Variants in SLC25A21 observed in about 807,000 individuals in gnomAD.
SLC25A21 encodes the protein mitochondrial 2-oxodicarboxylate carrier.
Under a neutral mutation model 43.8 loss-of-function variants are expected in SLC25A21, and 47 were observed. The ratio of observed to expected loss-of-function variants is 1.07; its 90% CI spans 0.85 to 1.37. The LOEUF is 1.37. Ranked by LOEUF, SLC25A21 falls within the 40% of genes most tolerant of loss-of-function variation. The pLI, the probability that SLC25A21 is intolerant of heterozygous loss-of-function variation, is 0.00. For missense variants in SLC25A21, 352 were observed against 350.2 expected (o/e 1.00, Z -0.04); for synonymous variants, 131 against 121.3 (o/e 1.08, Z -0.52).
rs867669329 is a variant in SLC25A21 at position 37,116,000 on chromosome 14, A to G, written c.70+56281T>C. ...AATACATTTTAAAGAAATTCACATT[A>G]TATTTATCTATGTAAAACTGAACTT... On this transcript the variant is annotated intron_variant, in intron 1 of 9. Transcript: ENST00000331299. Among the ~76,000 whole-genome samples, 10 of 152,332 alleles carry G rather than the reference A, an allele frequency of 6.6e-5. 1 individual carries two copies. The South Asian group carries it at 1.4e-3, about 22-fold the overall frequency.
chr14:36,793,966 AG>A (rs1485767187), intron 3 of SLC25A21, among the ~76,000 whole-genome samples: 1 of 152,076 alleles, frequency 6.6e-6, no homozygotes, highest in African/African-American at 2.4e-5. Context: ...AAATCAAAGA[AG>A]TTCATAAAAC....
chr14:36,756,253 T>C (rs943232558), intron 3 of SLC25A21, among the ~76,000 whole-genome samples: 2 of 152,152 alleles, frequency 1.3e-5, no homozygotes, highest in South Asian at 2.1e-4. Context: ...TTCTGAGCGA[T>C]TGGAAGCTGG....
chr14:36,709,756 A>C (rs1306217497), intron 7 of SLC25A21, among the ~76,000 whole-genome samples: 1 of 152,178 alleles, frequency 6.6e-6, no homozygotes, highest in East Asian at 1.9e-4. Flanking sequence ...CTGGGCAAAA[A>C]CAGGTACAAC....
intron 2 of SLC25A21, among the ~76,000 whole-genome samples, chr14:36,833,183 T>C (rs1889095029): frequency 6.6e-6 from 1 of 152,178 alleles, no homozygotes; most frequent in African/African-American, 2.4e-5. Context: ...AAATTCTATA[T>C]ATATACACAC....
intron 3 of SLC25A21, among the ~76,000 whole-genome samples, chr14:36,752,369 C>T (rs556456975): frequency 1.3e-5 from 2 of 152,246 alleles, no homozygotes; most frequent in East Asian, 3.9e-4. Context: ...ATAGATTTAC[C>T]ATATGATCCA....
At chr14:36,760,756 C>G (rs918609207) in intron 3 of SLC25A21, among the ~76,000 whole-genome samples, 1 of 152,068 alleles carries the variant, frequency 6.6e-6, no homozygotes, top group African/African-American at 2.4e-5. Flanking sequence ...ATATGGAATG[C>G]CAGCGTGCGT....
chr14:36,778,909 C>T (rs1009759082), intron 3 of SLC25A21, among the ~76,000 whole-genome samples: 7 of 152,042 alleles, frequency 4.6e-5, no homozygotes, highest in Non-Finnish European at 8.8e-5. Flanking sequence ...CCATGCTGTA[C>T]ATTAGATCTC....
chr14:36,942,096 T>C (rs942062982), intron 1 of SLC25A21, among the ~76,000 whole-genome samples: 2 of 152,142 alleles, frequency 1.3e-5, no homozygotes, highest in African/African-American at 4.8e-5. Flanking sequence ...AATTTTCAAT[T>C]AGTTAGACTA....
intron 1 of SLC25A21, among the ~76,000 whole-genome samples, chr14:36,975,539 G>C (rs552228635): frequency 6.6e-6 from 1 of 152,124 alleles, no homozygotes; most frequent in Non-Finnish European, 1.5e-5. Context: ...TAAGTTGTTC[G>C]ATGAGTACAA....
chr14:37,064,430 C>G (rs997556553), intron 1 of SLC25A21, among the ~76,000 whole-genome samples: 1 of 152,106 alleles, frequency 6.6e-6, no homozygotes, highest in Non-Finnish European at 1.5e-5. Flanking sequence ...CTCTCTCTCT[C>G]TCTTTTTCTA....
intron 3 of SLC25A21, among the ~76,000 whole-genome samples, chr14:36,810,496 A>G (rs1888201597): frequency 6.6e-6 from 1 of 152,204 alleles, no homozygotes; most frequent in South Asian, 2.1e-4. Flanking sequence ...ATAAAGGTTT[A>G]TATTATCAAC....
At chr14:37,108,042 G>A (rs1962947161) in intron 1 of SLC25A21, among the ~76,000 whole-genome samples, 1 of 152,078 alleles carries the variant, frequency 6.6e-6, no homozygotes, top group Non-Finnish European at 1.5e-5. Flanking sequence ...TACTACCATG[G>A]GCAAGGCTCT....
chr14:36,969,243 C>A (rs1468915264), intron 1 of SLC25A21, among the ~76,000 whole-genome samples: 3 of 152,132 alleles, frequency 2.0e-5, no homozygotes, highest in Non-Finnish European at 4.4e-5. Flanking sequence ...TCCAGACCCC[C>A]TGTTAATAGA....
chr14:36,752,771 G>A (rs762048610), intron 3 of SLC25A21, among the ~76,000 whole-genome samples: 44 of 152,204 alleles, frequency 2.9e-4, no homozygotes, highest in Non-Finnish European at 4.1e-4. Context: ...CCCTCATGCT[G>A]TTCTTGTGAT....
chr14:36,981,187 T>A (rs939660687), intron 1 of SLC25A21, among the ~76,000 whole-genome samples: 3 of 152,088 alleles, frequency 2.0e-5, no homozygotes, highest in Admixed American at 6.6e-5. Context: ...GTCAGGAAAC[T>A]ACAGGTGCTG....
intron 3 of SLC25A21, among the ~76,000 whole-genome samples, chr14:36,780,651 A>G (rs2138377708): frequency 6.6e-6 from 1 of 152,176 alleles, no homozygotes; most frequent in East Asian, 1.9e-4. Flanking sequence ...CCTCCTGTTA[A>G]TGACAGGTAG....
At chr14:36,806,060 T>C (rs1196518444) in intron 3 of SLC25A21, among the ~76,000 whole-genome samples, 1 of 140,432 alleles carries the variant, frequency 7.1e-6, no homozygotes, top group South Asian at 2.2e-4. Context: ...ACTAAAGATA[T>C]AAAAAATTAG....
At chr14:36,881,286 A>G (rs370585068) in intron 1 of SLC25A21, among the ~76,000 whole-genome samples, 1 of 152,188 alleles carries the variant, frequency 6.6e-6, no homozygotes, top group Non-Finnish European at 1.5e-5. Flanking sequence ...TTTATATTTG[A>G]GATTACTTGC....
chr14:36,731,519 T>C (rs1884824987), intron 4 of SLC25A21, among the ~76,000 whole-genome samples: 1 of 152,156 alleles, frequency 6.6e-6, no homozygotes, highest in African/African-American at 2.4e-5. Flanking sequence ...TTGAAAAATC[T>C]TAGTTTTTAT....
Sources: gnomAD v4.1 joint callset for allele counts (sites outside exome capture counted in the v4.1 genomes callset) on GRCh38, gnomAD v4.1.1 for gene constraint, MANE v1.5 for transcripts, NCBI Gene and HGNC (gene_info 2026-07-23, HGNC 2026-07-21) for gene names.